The following ZMIZ2 variants were observed in gnomAD, a reference collection of about 807,000 sequenced individuals.
ZMIZ2 encodes zinc finger MIZ domain-containing protein 2.
Under a neutral mutation model 93.9 loss-of-function variants are expected in ZMIZ2, and 26 were observed. That is an observed-to-expected ratio of 0.28 (90% CI 0.20 to 0.38). ZMIZ2 has a LOEUF of 0.38. Among genes scored for constraint, ZMIZ2 ranks in the 10% least tolerant of loss-of-function variants. The pLI, the probability that ZMIZ2 is intolerant of heterozygous loss-of-function variation, is 1.00. For missense variants in ZMIZ2, 1,023 were observed against 1,235.0 expected (o/e 0.83, Z 2.57); for synonymous variants, 485 against 516.4 (o/e 0.94, Z 0.82).
At position 44,768,861 on chromosome 7, in the gene ZMIZ2, A is replaced by C. The variant is rs1400386235; in HGVS notation, c.*1238A>C. 1 of 152,236 alleles carries C rather than the reference A, an allele frequency of 6.6e-6. No homozygotes were observed. The highest frequency in any genetic ancestry group is 1.9e-4 in the East Asian group (1 of 5,194). 9.4% of individuals were successfully genotyped at this position (152,236 alleles called of 1,614,324 possible). A position where few individuals can be genotyped will look rare whatever the true frequency, so the allele number is the denominator to read the frequency against. On this transcript the variant is annotated 3_prime_UTR_variant, in exon 19 of 19. Transcript: ENST00000309315. ...GGTTGAGCTCTGGATGTTTCAAGCC[A>C]AGGCTCGGCTATTCCCGCCCCATAG...
rs372934898 is a variant in ZMIZ2, at chr7:44,765,357, A to G, written c.2020A>G (p.Ile674Val). The G allele has an allele frequency of 5.0e-6, 8 of 1,613,488 alleles. No homozygotes were observed. Among genetic ancestry groups the G allele is most frequent in the Non-Finnish European group, 6.8e-6 (8 of 1,180,020 alleles). Residue 674 changes from isoleucine to valine, a missense_variant, in exon 16 of 19, where the codon ATC becomes GTC. By Grantham distance (29) the Ile-to-Val change is conservative. Around this residue, in one of 3 missense-constraint regions of ZMIZ2, gnomAD observed 319 missense variants for 358.8 expected, o/e 0.89. Coordinates refer to ENST00000309315, the MANE Select transcript of ZMIZ2 (RefSeq NM_031449.4). The surrounding 1 kb of genome is among the most constrained non-coding windows in gnomAD (Gnocchi z 4.1). Reference protein sequence around the residue: ...IQNSDYEEITIDPTCSWKPVP... With the variant: ...IQNSDYEEITVDPTCSWKPVP... Reference sequence around the variant, plus strand: ...CAGCTCTGACTATGAGGAGATCACCATCGACCCCACGTGCAGCTGGAAGCC... The same window carrying G: ...CAGCTCTGACTATGAGGAGATCACCGTCGACCCCACGTGCAGCTGGAAGCC...
chr7:44,760,050 T>C (rs1341739595), intron 7 of ZMIZ2, 101 bp from the exon 8 acceptor site: 5 of 1,156,916 alleles, frequency 4.3e-6, no homozygotes, highest in Non-Finnish European at 6.4e-6. Flanking sequence ...TACAAGAGAG[T>C]GTAAAGAAGA....
rs149380534 is a variant in ZMIZ2 at position 44,756,891 on chromosome 7, C to T, written c.166-56C>T. The T allele has an allele frequency of 2.9e-3, 4,686 of 1,602,720 alleles. 22 individuals carry two copies. Among genetic ancestry groups the T allele is most frequent in the Middle Eastern group, 0.013 (75 of 5,994 alleles). On this transcript the variant is annotated intron_variant, in intron 3 of 18. Transcript: ENST00000309315. ...GTTGGTTTCTAGCACTTTGGAGCTG[C>T]TGCATGAAGCACGTTGTTTGGCTGG...
chr7:44,765,057 C>T lies in ZMIZ2; in HGVS notation c.1997+48C>T, dbSNP rs1338397835. The T allele has an allele frequency of 6.2e-7, 1 of 1,603,270 alleles. No individual in the cohort carries two copies. Among genetic ancestry groups the T allele is most frequent in the East Asian group, 2.2e-5 (1 of 44,830 alleles). On this transcript the variant is annotated intron_variant, in intron 15 of 18. Coordinates refer to ENST00000309315, the MANE Select transcript of ZMIZ2 (RefSeq NM_031449.4). The surrounding 1 kb of genome is among the most constrained non-coding windows in gnomAD (Gnocchi z 4.1). ...CCCTGCATCTGTGGCCACTGGAGGG[C>T]AGCCCCAGGACATGTCGGGGGATGT...
Position 44,752,940 on chromosome 7 carries a change from T to C in ZMIZ2, c.-62-3248T>C, listed in dbSNP as rs117977473. Among the ~76,000 whole-genome samples, 342 of 152,386 alleles carry C rather than the reference T, an allele frequency of 2.2e-3. 2 individuals are homozygous for C. Among genetic ancestry groups the C allele is most frequent in the Non-Finnish European group, 3.6e-3 (243 of 68,040 alleles). ...GTTCCATATGATACGGCCAGACTGT[T>C]TCCCAGAGTGGCTGTACATTTTACA... is the stretch of plus-strand genomic sequence containing the variant. On this transcript the variant is annotated intron_variant, in intron 1 of 18. Transcript: ENST00000309315.
At chr7:44,759,240 A>G in intron 6 of ZMIZ2, 41 bp from the exon 7 acceptor site, 1 of 1,455,816 alleles carries the variant, frequency 6.9e-7, no homozygotes, top group South Asian at 1.4e-5. Flanking sequence ...AGCTCCCCTG[A>G]TGCCTTTTTT....
intron 1 of ZMIZ2, among the ~76,000 whole-genome samples, chr7:44,755,828 G>A (rs989795343): frequency 7.2e-5 from 11 of 152,154 alleles, no homozygotes; most frequent in African/African-American, 2.4e-4. Context: ...GTTTCCACGG[G>A]GTAGCTAGGA....
chr7:44,763,083 C>T lies in ZMIZ2; in HGVS notation c.1702+97C>T. On this transcript the variant is annotated intron_variant, in intron 12 of 18. Transcript: ENST00000309315. The surrounding 1 kb of genome is among the most constrained non-coding windows in gnomAD (Gnocchi z 5.6). ...CTTGTGGGCACCTCCTCGTGTCACA[C>T]CAGGCCTTCTCCTTGGACAGGTGGC... is the stretch of plus-strand genomic sequence containing the variant. 1 of 1,451,638 alleles carries T rather than the reference C, an allele frequency of 6.9e-7. No homozygotes were observed. The highest frequency in any genetic ancestry group is 9.5e-7 in the Non-Finnish European group (1 of 1,057,442). The allele number at this position is 1,451,638 out of a possible 1,614,324, so 89.9% of individuals were successfully genotyped here.
chr7:44,765,529 C>T lies in ZMIZ2; in HGVS notation c.2192C>T (p.Ala731Val), dbSNP rs768307925. 18 of 659,386 alleles carry T rather than the reference C, an allele frequency of 2.7e-5. No individual in the cohort carries two copies. Among genetic ancestry groups the T allele is most frequent in the South Asian group, 8.3e-5 (6 of 72,336 alleles). 40.8% of individuals were successfully genotyped at this position (659,386 alleles called of 1,614,324 possible). ...AALGPGAAPF[A>V]PLQPPSVPAP... ...CTGGGCCCCGGCGCTGCCCCCTTTG[C>T]CCCCCTGCAGCCCCCCTCAGTCCCT... is the stretch of plus-strand genomic sequence containing the variant. The change falls in exon 16 of 19, where the codon GCC becomes GTC. Residue 731 changes from alanine (A) to valine (V), a missense_variant. Ala to Val is a moderately conservative substitution (Grantham distance 64). Coordinates refer to ENST00000309315, the MANE Select transcript of ZMIZ2 (RefSeq NM_031449.4). This position sits in a 1 kb window ranked among gnomAD's most constrained non-coding sequence, Gnocchi z 4.1.
chr7:44,762,052 C>T (rs565356067), intron 11 of ZMIZ2, 147 bp downstream of exon 11: 3 of 1,068,210 alleles, frequency 2.8e-6, no homozygotes, highest in South Asian at 1.9e-5. Flanking sequence ...ATGGGCGGGC[C>T]GGCCTGCAGC....
At position 44,761,670 on chromosome 7, in the gene ZMIZ2, G is replaced by A. The variant is rs1453518978; in HGVS notation, c.1386-25G>A. The A allele has an allele frequency of 6.2e-7, 1 of 1,613,698 alleles. No individual in the cohort carries two copies. Among genetic ancestry groups the A allele is most frequent in the South Asian group, 1.1e-5 (1 of 91,066 alleles). On this transcript the variant is annotated intron_variant, in intron 10 of 18. Coordinates refer to ENST00000309315, the MANE Select transcript of ZMIZ2 (RefSeq NM_031449.4). The surrounding 1 kb of genome is among the most constrained non-coding windows in gnomAD (Gnocchi z 5.8). ...CCACACTCTCAGGGCCCGTTTTCTG[G>A]GTGTCCACCCATCTTCCTGAGCAGG...
chr7:44,760,490 C>T lies in ZMIZ2; in HGVS notation c.1137C>T (p.Thr379=). 2 of 1,614,170 alleles carry T rather than the reference C, an allele frequency of 1.2e-6. No homozygotes were observed. Among genetic ancestry groups the T allele is most frequent in the East Asian group, 4.5e-5 (2 of 44,880 alleles). The change falls in exon 9 of 19, where the codon ACC becomes ACT. Residue 379 remains threonine (T), a synonymous_variant. Transcript: ENST00000309315. ...CAGGGAACCCCACGCCACCCATGAC[C>T]CCAAGCAGCAGCGTCCCTTACATGT... ...PLPGNPTPPM[T]PSSSVPYMSP... is the part of the protein sequence containing the mutation.
At position 44,763,141 on chromosome 7, in the gene ZMIZ2, G is replaced by C; in HGVS notation, c.1703-115G>C. The C allele has an allele frequency of 6.7e-7, 1 of 1,492,632 alleles. No individual in the cohort carries two copies. Among genetic ancestry groups the C allele is most frequent in the South Asian group, 1.3e-5 (1 of 79,904 alleles). The allele number at this position is 1,492,632 out of a possible 1,614,324, so 92.5% of individuals were successfully genotyped here. ...TAGGGGCAGTGGTTAGTTCCAGGTG[G>C]CCCCTCAGAGCTGTCAGTGGGTCAG... On this transcript the variant is annotated intron_variant, in intron 12 of 18. Coordinates refer to ENST00000309315, the MANE Select transcript of ZMIZ2 (RefSeq NM_031449.4). The surrounding 1 kb of genome is among the most constrained non-coding windows in gnomAD (Gnocchi z 5.6).
chr7:44,757,719 G>T, intron 5 of ZMIZ2, 129 bp from the exon 6 acceptor site: 1 of 1,451,096 alleles, frequency 6.9e-7, no homozygotes, highest in Admixed American at 2.5e-5. Flanking sequence ...AGGGTCTGAG[G>T]GGAGAGGTTT....
chr7:44,760,403 CTGTT>C lies in ZMIZ2; in HGVS notation c.1072-18_1072-15del, dbSNP rs777593454. ...CATCCACCCTGGCAATCTGCCTTGA[CTGTT>C]TGTGCTCAACCCTACAGCCTACCCG... On this transcript the variant is annotated intron_variant, in intron 8 of 18. Coordinates refer to ENST00000309315, the MANE Select transcript of ZMIZ2 (RefSeq NM_031449.4). 18 of 1,611,594 alleles carry C rather than the reference CTGTT, an allele frequency of 1.1e-5. No homozygotes were observed. Among genetic ancestry groups the C allele is most frequent in the African/African-American group, 1.1e-4 (8 of 74,874 alleles).
At chr7:44,758,913 CAAA>C (rs898517700) in intron 6 of ZMIZ2, among the ~76,000 whole-genome samples, 2 of 77,402 alleles carry the variant, frequency 2.6e-5, no homozygotes, top group African/African-American at 1.0e-4. Context: ...GACTCCATCT[CAAA>C]AAAAAAAAAA....
chr7:44,749,452 G>C (rs1337136786), intron 1 of ZMIZ2, among the ~76,000 whole-genome samples: 2 of 152,192 alleles, frequency 1.3e-5, no homozygotes, highest in Non-Finnish European at 2.9e-5. Context: ...CGGCGATGTG[G>C]GGGCCGTCTG....
chr7:44,766,438 C>T lies in ZMIZ2; in HGVS notation c.2430C>T (p.His810=), dbSNP rs781289926. The T allele has an allele frequency of 7.4e-6, 12 of 1,614,068 alleles. No homozygotes were observed. In the East Asian group the frequency reaches 1.6e-4, roughly 21 times the overall value. The change falls in exon 18 of 19, where the codon CAC becomes CAT. Residue 810 remains histidine (H), a synonymous_variant. Coordinates refer to ENST00000309315, the MANE Select transcript of ZMIZ2 (RefSeq NM_031449.4). The surrounding 1 kb of genome is among the most constrained non-coding windows in gnomAD (Gnocchi z 4.4). ...GTCTTCAGATGGCACCAGCAGGTCA[C>T]CTGGACCCCACTCACAATCCTGGGA... is the stretch of plus-strand genomic sequence containing the variant. The part of the protein sequence containing the change: ...CLPSQMAPAG[H]LDPTHNPGTP...
rs1183709779 is a variant in ZMIZ2, at chr7:44,765,144, G to A, written c.1997+135G>A. Reference sequence around the variant, plus strand: ...ATGGAGCAGGCTGGATTCCAGGCCAGAGACAGCGTGTGTGTCCTACCTGAG... The same window carrying A: ...ATGGAGCAGGCTGGATTCCAGGCCAAAGACAGCGTGTGTGTCCTACCTGAG... On this transcript the variant is annotated intron_variant, in intron 15 of 18. Transcript: ENST00000309315. The surrounding 1 kb of genome is among the most constrained non-coding windows in gnomAD (Gnocchi z 4.1). The A allele has an allele frequency of 2.1e-6, 3 of 1,443,892 alleles. No individual in the cohort carries two copies. The highest frequency in any genetic ancestry group is 2.8e-6 in the Non-Finnish European group (3 of 1,056,952). The allele number at this position is 1,443,892 out of a possible 1,614,324, so 89.4% of individuals were successfully genotyped here.
Sources: allele counts gnomAD v4.1 joint callset (sites outside exome capture counted in the v4.1 genomes callset), GRCh38; gene constraint gnomAD v4.1.1; regional missense constraint gnomAD v4.1.1; non-coding constraint Gnocchi (gnomAD v3.1); transcripts MANE v1.5; gene names NCBI Gene and HGNC (gene_info 2026-07-23, HGNC 2026-07-21).